Variants in CHFR observed in about 807,000 individuals in gnomAD.
The protein encoded by CHFR is E3 ubiquitin-protein ligase CHFR.
A neutral mutation model predicts 87.6 loss-of-function variants in CHFR; 57 were observed. The ratio of observed to expected loss-of-function variants is 0.65; its 90% CI spans 0.53 to 0.81. CHFR has a LOEUF of 0.81. Among genes scored for constraint, CHFR ranks in the 30% least tolerant of loss-of-function variants. The pLI is 0.00. For missense variants in CHFR, 797 were observed against 865.8 expected (o/e 0.92, Z 1.00); for synonymous variants, 381 against 359.2 (o/e 1.06, Z -0.69).
chr12:132,848,843 C>T, intron 12 of CHFR, 119 bp from the exon 13 acceptor site: 1 of 751,986 alleles, frequency 1.3e-6, no homozygotes, highest in South Asian at 2.0e-5. Flanking sequence ...GGAGGGGTCT[C>T]ATGGAAATCG....
intron 11 of CHFR, 138 bp from the exon 12 acceptor site, chr12:132,851,875 C>T (rs1950954652): frequency 8.3e-6 from 8 of 963,452 alleles, no homozygotes. Context: ...CCCTGCTAAA[C>T]CACCGGGGAC....
At chr12:132,870,437 AG>A (rs1484392799) in intron 5 of CHFR, among the ~76,000 whole-genome samples, 7 of 151,682 alleles carry the variant, frequency 4.6e-5, no homozygotes, top group African/African-American at 1.7e-4. Flanking sequence ...AGGCTGAGGC[AG>A]GAGAATCTCT....
intron 15 of CHFR, 77 bp from the exon 16 acceptor site, chr12:132,844,211 C>T: frequency 1.1e-6 from 1 of 885,868 alleles, no homozygotes; most frequent in Non-Finnish European, 1.9e-6. Flanking sequence ...CAGTGGGAGA[C>T]TAACGCACTG....
chr12:132,866,628 CG>C (rs1314213682), intron 6 of CHFR: 1 of 140,722 alleles, frequency 7.1e-6, no homozygotes, highest in Non-Finnish European at 1.6e-5. Context: ...CAACACACCG[CG>C]TAACACCAAA....
At position 132,887,288 on chromosome 12, in the gene CHFR, TGCG is replaced by T. The variant is rs765917829; in HGVS notation, c.38_40del (p.Pro13del). On this transcript the variant is annotated inframe_deletion, in exon 2 of 18. Coordinates refer to ENST00000450056, the MANE Select transcript of CHFR (RefSeq NM_001161346.2). Reference sequence around the variant, plus strand: ...CAGACGCAGGAGCCGTCCCCAGGGCTGCGGCGGCGGCGACTGCTTGCCTTCCTC... The same window carrying T: ...CAGACGCAGGAGCCGTCCCCAGGGCTGCGGCGGCGACTGCTTGCCTTCCTC... 13 of 1,486,502 alleles carry T rather than the reference TGCG, an allele frequency of 8.7e-6. No homozygotes were observed. The highest frequency in any genetic ancestry group is 2.9e-5 in the East Asian group (1 of 34,302). The allele number at this position is 1,486,502 out of a possible 1,614,324, so 92.1% of individuals were successfully genotyped here. A position where few individuals can be genotyped will look rare whatever the true frequency, so the allele number is the denominator to read the frequency against.
At chr12:132,858,392 C>T (rs770777793) in intron 8 of CHFR, among the ~76,000 whole-genome samples, 13 of 150,712 alleles carry the variant, frequency 8.6e-5, no homozygotes, top group South Asian at 6.3e-4. Flanking sequence ...AAAACCACCC[C>T]GGGCTACATG....
rs1345035376 is a variant in CHFR, at chr12:132,869,788, A to G, written c.414T>C (p.Gly138=). Residue 138 remains glycine, a synonymous_variant, in exon 6 of 18, where the codon GGT becomes GGC. Transcript: ENST00000450056. ...GMTQESFDTS[G]AGAGRGADPR... ...GATCGGCCCCTCGCCCTGCACCTGC[A>G]CCTGAGGTATCTTTGGTCCCATGGA... The G allele has an allele frequency of 6.4e-6, 10 of 1,551,332 alleles. No individual in the cohort carries two copies. The highest frequency in any genetic ancestry group is 8.7e-6 in the Non-Finnish European group (10 of 1,146,994).
chr12:132,870,812 G>C, intron 4 of CHFR, 29 bp from the exon 5 acceptor site: 1 of 1,488,094 alleles, frequency 6.7e-7, no homozygotes, highest in Non-Finnish European at 9.4e-7. Flanking sequence ...AATCAGAAAA[G>C]TGGTGGCCCC....
At chr12:132,874,895 C>T (rs535073052) in intron 3 of CHFR, among the ~76,000 whole-genome samples, 2 of 151,896 alleles carry the variant, frequency 1.3e-5, no homozygotes, top group African/African-American at 4.8e-5. Flanking sequence ...AGGACCAGCA[C>T]CCAGCGCGGG....
chr12:132,844,438 C>T (rs900971736), intron 15 of CHFR, among the ~76,000 whole-genome samples: 25 of 149,310 alleles, frequency 1.7e-4, no homozygotes, highest in African/African-American at 5.8e-4. Context: ...GTGCCCGCCA[C>T]CACACCGGGC....
At position 132,848,753 on chromosome 12, in the gene CHFR, A is replaced by G. The variant is rs562126111; in HGVS notation, c.1493-29T>C. On this transcript the variant is annotated intron_variant, in intron 12 of 17. Coordinates refer to ENST00000450056, the MANE Select transcript of CHFR (RefSeq NM_001161346.2). ...TGGAGAGAGGACACTCGTTACACGC[A>G]CTCAGCGCTGAGGGCTGTCTCCAAC... 4.6e-6 allele frequency: 7 copies of G among 1,518,154 alleles called. No homozygotes were observed. The African/African-American group carries it at 8.3e-5, about 18-fold the overall frequency. The allele number at this position is 1,518,154 out of a possible 1,614,324, so 94.0% of individuals were successfully genotyped here. A position where few individuals can be genotyped will look rare whatever the true frequency, so the allele number is the denominator to read the frequency against.
chr12:132,848,452 G>C (rs1311713376), intron 13 of CHFR, 189 bp downstream of exon 13: 2 of 692,456 alleles, frequency 2.9e-6, no homozygotes, highest in Non-Finnish European at 2.5e-6. Context: ...TTCTGTTAAG[G>C]CTTGATTTTG....
chr12:132,873,158 C>T (rs889365181), intron 3 of CHFR, among the ~76,000 whole-genome samples: 2 of 152,174 alleles, frequency 1.3e-5, no homozygotes, highest in African/African-American at 2.4e-5. Flanking sequence ...GCTTCACTCC[C>T]GAGGCCCCAG....
chr12:132,871,934 G>A (rs1951499863), intron 4 of CHFR: 3 of 233,536 alleles, frequency 1.3e-5, no homozygotes, highest in Non-Finnish European at 2.5e-5. Flanking sequence ...TCCAAAAGCA[G>A]AACCATCAAT....
chr12:132,870,611 G>C (rs1434164250), intron 5 of CHFR, 113 bp downstream of exon 5: 3 of 659,012 alleles, frequency 4.6e-6, no homozygotes, highest in African/African-American at 3.6e-5. Context: ...AGTGAGCTGA[G>C]ATCGCGCCAC....
In CHFR at chr12:132,833,146, C is replaced by G. The variant is rs1440003692; in HGVS notation, c.*8408G>C. 2.0e-5 allele frequency: 3 copies of G among 152,358 alleles called. 1 individual carries two copies. The highest frequency in any genetic ancestry group is 3.4e-3 in the Middle Eastern group (1 of 294). The allele number at this position is 152,358 out of a possible 1,614,324, so 9.4% of individuals were successfully genotyped here. On this transcript the variant is annotated 3_prime_UTR_variant, in exon 18 of 18. Coordinates refer to ENST00000450056, the MANE Select transcript of CHFR (RefSeq NM_001161346.2). ...ATCAGCTGATGGACCCACTGAGGTG[C>G]CTTACGCGAGCCCAGCACTATTCTG...
chr12:132,851,987 T>C (rs1380924873), intron 11 of CHFR, among the ~76,000 whole-genome samples: 2 of 148,566 alleles, frequency 1.3e-5, no homozygotes, highest in Non-Finnish European at 2.9e-5. Flanking sequence ...TGTTGCAAGT[T>C]CTCTTTTTTT....
chr12:132,859,530 T>G (rs1398665214), intron 7 of CHFR, among the ~76,000 whole-genome samples: 1 of 152,068 alleles, frequency 6.6e-6, no homozygotes, highest in Non-Finnish European at 1.5e-5. Flanking sequence ...TTGTGTATTT[T>G]TAGTAGAGAC....
chr12:132,884,811 G>A (rs888136337), intron 2 of CHFR, among the ~76,000 whole-genome samples: 1 of 152,172 alleles, frequency 6.6e-6, no homozygotes, highest in Non-Finnish European at 1.5e-5. Flanking sequence ...TTCTGGCCAG[G>A]CACAGTGGCT....
Sources: gnomAD v4.1 joint callset for allele counts (sites outside exome capture counted in the v4.1 genomes callset) on GRCh38, gnomAD v4.1.1 for gene constraint, MANE v1.5 for transcripts, NCBI Gene and HGNC (gene_info 2026-07-23, HGNC 2026-07-21) for gene names.